The following CATSPERT variants were observed in gnomAD, a reference collection of about 807,000 sequenced individuals.
CATSPERT encodes the protein catsper channel auxiliary subunit tau, also known as cation channel sperm-associated targeting subunit tau.
At chr2:201,568,188 C>T in the CATSPERT span, among the ~76,000 whole-genome samples, 1 of 152,128 alleles carries the variant, frequency 6.6e-6, no homozygotes, top group African/African-American at 2.4e-5. Flanking sequence ...GAATTTTTGT[C>T]ATATTTATTT....
the CATSPERT span, among the ~76,000 whole-genome samples, chr2:201,590,332 T>G: frequency 6.6e-6 from 1 of 152,022 alleles, no homozygotes; most frequent in Admixed American, 6.6e-5. Context: ...TTTTTATGGC[T>G]GCATAGTATT....
At chr2:201,511,877 T>C in the CATSPERT span, 1 of 142,260 alleles carries the variant, frequency 7.0e-6, no homozygotes. Flanking sequence ...AAAAAAACTC[T>C]TCTTTTAACT....
chr2:201,501,840 C>G, the CATSPERT span, among the ~76,000 whole-genome samples: 9 of 152,122 alleles, frequency 5.9e-5, no homozygotes, highest in Admixed American at 5.9e-4. Context: ...AAAACTGACA[C>G]AAGTAGAAAT....
chr2:201,491,106 C>T, the CATSPERT span: 4 of 1,344,676 alleles, frequency 3.0e-6, no homozygotes, highest in East Asian at 1.0e-4. Context: ...GATATATACA[C>T]CCTAAATTAT....
chr2:201,592,742 C>T, the CATSPERT span, among the ~76,000 whole-genome samples: 5 of 152,172 alleles, frequency 3.3e-5, no homozygotes, highest in Non-Finnish European at 7.3e-5. Context: ...TTATCCATTT[C>T]TTCTAGATTT....
the CATSPERT span, among the ~76,000 whole-genome samples, chr2:201,508,561 T>C: frequency 3.9e-5 from 6 of 152,202 alleles, no homozygotes; most frequent in Non-Finnish European, 7.3e-5. Context: ...GTGCAACAGA[T>C]CTCAAAAATT....
At chr2:201,615,894 A>T in the CATSPERT span, among the ~76,000 whole-genome samples, 13 of 152,234 alleles carry the variant, frequency 8.5e-5, no homozygotes, top group Non-Finnish European at 1.6e-4. Flanking sequence ...GATCCCACAG[A>T]AATACAAACT....
At chr2:201,530,141 A>G in the CATSPERT span, among the ~76,000 whole-genome samples, 2 of 152,228 alleles carry the variant, frequency 1.3e-5, no homozygotes, top group African/African-American at 4.8e-5. Context: ...GAACCCTTGT[A>G]CACTATTTGT....
chr2:201,503,783 C>T, the CATSPERT span, among the ~76,000 whole-genome samples: 3 of 151,880 alleles, frequency 2.0e-5, no homozygotes, highest in Non-Finnish European at 2.9e-5. Context: ...TCTTTTAAAT[C>T]GTTTTGAATT....
chr2:201,532,604 A>G, the CATSPERT span, among the ~76,000 whole-genome samples: 1 of 152,204 alleles, frequency 6.6e-6, no homozygotes, highest in African/African-American at 2.4e-5. Context: ...AGTTAGAGAA[A>G]AAATAAAATA....
the CATSPERT span, among the ~76,000 whole-genome samples, chr2:201,580,318 C>T: frequency 1.1e-4 from 16 of 152,314 alleles, 1 homozygote; most frequent in East Asian, 5.8e-4. Context: ...ATTTCCCCTG[C>T]GCTGTTACTA....
the CATSPERT span, among the ~76,000 whole-genome samples, chr2:201,581,595 C>CACACACAT: frequency 6.2e-4 from 11 of 17,778 alleles, no homozygotes; most frequent in South Asian, 2.3e-3. Context: ...TATATATATA[C>CACACACAT]ACATACATAT....
chr2:201,586,938 C>T, the CATSPERT span, among the ~76,000 whole-genome samples: 3 of 151,936 alleles, frequency 2.0e-5, no homozygotes. Context: ...TTAGTTTCCA[C>T]ACTCATCTTC....
the CATSPERT span, among the ~76,000 whole-genome samples, chr2:201,525,297 A>G: frequency 6.6e-6 from 1 of 152,188 alleles, no homozygotes; most frequent in Non-Finnish European, 1.5e-5. Context: ...GATCAATACT[A>G]AGAAAATTGC....
the CATSPERT span, among the ~76,000 whole-genome samples, chr2:201,590,683 T>A: frequency 6.6e-6 from 1 of 152,188 alleles, no homozygotes; most frequent in East Asian, 1.9e-4. Flanking sequence ...CCATTCTAAC[T>A]GGTGTGAGAT....
chr2:201,555,663 C>T, the CATSPERT span: 1 of 152,294 alleles, frequency 6.6e-6, no homozygotes, highest in South Asian at 2.1e-4. Context: ...TATTCTTCAT[C>T]ACAAACTCAA....
the CATSPERT span, among the ~76,000 whole-genome samples, chr2:201,616,075 A>C: frequency 1.3e-5 from 2 of 152,234 alleles, no homozygotes; most frequent in Non-Finnish European, 2.9e-5. Context: ...CTAGCCTACC[A>C]ACCAAAAAAA....
chr2:201,562,921 A>G, the CATSPERT span, among the ~76,000 whole-genome samples: 1 of 148,842 alleles, frequency 6.7e-6, no homozygotes, highest in Admixed American at 6.7e-5. Flanking sequence ...ACTTCTTTCT[A>G]CACAGACACC....
chr2:201,536,386 A>C, the CATSPERT span: 1 of 1,505,918 alleles, frequency 6.6e-7, no homozygotes. Flanking sequence ...TTTACAAATT[A>C]AGAAAATGAC....
Sources: gnomAD v4.1 joint callset for allele counts (sites outside exome capture counted in the v4.1 genomes callset) on GRCh38, gnomAD v4.1.1 for gene constraint, MANE v1.5 for transcripts, NCBI Gene and HGNC (gene_info 2026-07-23, HGNC 2026-07-21) for gene names.